The following ZMYND8 variants were observed in gnomAD, a reference collection of about 807,000 sequenced individuals.
ZMYND8 encodes MYND-type zinc finger-containing chromatin reader ZMYND8.
A neutral mutation model predicts 140.8 loss-of-function variants in ZMYND8; 37 were observed. That is an observed-to-expected ratio of 0.26 (90% CI 0.20 to 0.35). The LOEUF is 0.35. Ranked by LOEUF, ZMYND8 falls within the 10% of genes least tolerant of loss-of-function variation. ZMYND8 has a pLI of 1.00. For missense variants in ZMYND8, 1,068 were observed against 1,570.0 expected (o/e 0.68, Z 5.40); for synonymous variants, 592 against 597.1 (o/e 0.99, Z 0.12).
chr20:47,350,604 A>G (rs768717942), intron 1 of ZMYND8, among the ~76,000 whole-genome samples: 7 of 152,154 alleles, frequency 4.6e-5, no homozygotes, highest in Non-Finnish European at 7.4e-5. Context: ...TAGGTTAAGA[A>G]CTGTTCAGTC....
At chr20:47,320,991 T>A (rs968513620) in intron 2 of ZMYND8, among the ~76,000 whole-genome samples, 1 of 152,062 alleles carries the variant, frequency 6.6e-6, no homozygotes, top group African/African-American at 2.4e-5. Context: ...AGACCAGAAA[T>A]AGAACCAGGG....
At chr20:47,254,248 G>C (rs1282513880) in intron 12 of ZMYND8, among the ~76,000 whole-genome samples, 4 of 152,192 alleles carry the variant, frequency 2.6e-5, no homozygotes, top group Non-Finnish European at 1.5e-5. Flanking sequence ...TAGAGAAAAA[G>C]GCACGATCTT....
intron 19 of ZMYND8, among the ~76,000 whole-genome samples, chr20:47,223,263 T>C (rs1600951926): frequency 6.6e-6 from 1 of 152,196 alleles, no homozygotes; most frequent in East Asian, 1.9e-4. Flanking sequence ...CCCAGTACTT[T>C]GGGAGGCTGA....
intron 7 of ZMYND8, among the ~76,000 whole-genome samples, chr20:47,288,392 C>CTTTTTTT (rs11411701): frequency 4.1e-5 from 5 of 123,280 alleles, no homozygotes; most frequent in Non-Finnish European, 4.9e-5. Flanking sequence ...TACACCAATT[C>CTTTTTTT]TTTTTTTTTT....
chr20:47,285,736 T>C (rs900838222), intron 8 of ZMYND8: 7 of 985,106 alleles, frequency 7.1e-6, no homozygotes, highest in African/African-American at 7.0e-5. Flanking sequence ...TACTATTTAA[T>C]GACAAGAGGA....
chr20:47,230,583 C>G (rs935508976), intron 16 of ZMYND8, among the ~76,000 whole-genome samples: 33 of 152,040 alleles, frequency 2.2e-4, no homozygotes, highest in African/African-American at 8.0e-4. Flanking sequence ...GCCTGACCCC[C>G]AGATGTCTTT....
In ZMYND8 at chr20:47,250,654, A is replaced by C. The variant is rs541815881; in HGVS notation, c.1622-1215T>G. Among the ~76,000 whole-genome samples the C allele has an allele frequency of 1.4e-4, 21 of 152,296 alleles. No homozygotes were observed. In the South Asian group the frequency reaches 3.9e-3, roughly 29 times the overall value. ...TGGGCTGGAAGCACTGTTTAAAGCC[A>C]TCACTCTCTCCTACCTTTTTCCTTT... On this transcript the variant is annotated intron_variant, in intron 12 of 22. Transcript: ENST00000471951.
chr20:47,282,941 C>G (rs2076701629), intron 9 of ZMYND8, among the ~76,000 whole-genome samples: 1 of 152,114 alleles, frequency 6.6e-6, no homozygotes, highest in South Asian at 2.1e-4. Context: ...TTATTGAAGG[C>G]TTAGCTATTC....
rs1188027893 is a variant in ZMYND8, at chr20:47,318,597, A to ATTTAGGAGG, written c.86-8394_86-8393insCCTCCTAAA. 4 of 389,340 alleles carry ATTTAGGAGG rather than the reference A, an allele frequency of 1.0e-5. No homozygotes were observed. In the East Asian group the frequency reaches 2.9e-4, roughly 28 times the overall value. 24.1% of individuals were successfully genotyped at this position (389,340 alleles called of 1,614,324 possible). A position where few individuals can be genotyped will look rare whatever the true frequency, so the allele number is the denominator to read the frequency against. On this transcript the variant is annotated intron_variant, in intron 2 of 22. Coordinates refer to ENST00000471951, the MANE Select transcript of ZMYND8 (RefSeq NM_001281775.3). ...ATGCCTAAGCCAGGAGGAACTTGTA[A>ATTTAGGAGG]ATGAAAACCGCTCGCATTAGCAAAT...
chr20:47,314,881 G>T (rs918318723), intron 2 of ZMYND8, among the ~76,000 whole-genome samples: 14 of 152,214 alleles, frequency 9.2e-5, no homozygotes, highest in Non-Finnish European at 7.3e-5. Flanking sequence ...AAAATGGGAA[G>T]AGCCGGGAGA....
chr20:47,238,803 G>T lies in ZMYND8; in HGVS notation c.2620C>A (p.Gln874Lys), dbSNP rs775122545. 1.2e-6 allele frequency: 2 copies of T among 1,613,110 alleles called. No homozygotes were observed. The highest frequency in any genetic ancestry group is 1.7e-6 in the Non-Finnish European group (2 of 1,180,018). Residue 874 changes from glutamine to lysine, a missense_variant, in exon 15 of 23, where the codon CAG becomes AAG. Physicochemically the swap from Gln to Lys is moderately conservative, Grantham distance 53. This residue lies in a region of ZMYND8 where 383 missense variants were observed against 431.2 expected (regional missense o/e 0.89). Coordinates refer to ENST00000471951, the MANE Select transcript of ZMYND8 (RefSeq NM_001281775.3). The stretch of plus-strand genomic sequence containing the variant: ...TGATATCTCGTCCCCTGGGAAGACT[G>T]AGGCTGCTGCTGCTGGTTTTGCTGC... ...QQQQNQQQQPQSSQGTRYQTR... is the reference protein window; with the variant it reads ...QQQQNQQQQPKSSQGTRYQTR...
intron 12 of ZMYND8, among the ~76,000 whole-genome samples, chr20:47,260,601 C>T (rs1174840624): frequency 6.6e-6 from 1 of 152,180 alleles, no homozygotes; most frequent in Non-Finnish European, 1.5e-5. Context: ...GCTCAAATAT[C>T]GCCTCTCAAA....
rs577887543 is a variant in ZMYND8, at chr20:47,248,973, C to G, written c.1774+314G>C. On this transcript the variant is annotated intron_variant, in intron 13 of 22. Transcript: ENST00000471951. The stretch of plus-strand genomic sequence containing the variant: ...ACTCGTGTGGAGACACTGATGCGTA[C>G]TGAGGAGAGCAGAGGCAAAACTCAG... 9.2e-5 allele frequency among the ~76,000 whole-genome samples: 8 copies of G among 87,020 alleles called. No homozygotes were observed. In the East Asian group the frequency reaches 1.7e-3, roughly 18 times the overall value. The allele number at this position is 87,020 out of a possible 152,430, so 57.1% of individuals were successfully genotyped here.
chr20:47,339,343 T>G (rs1277416838), intron 2 of ZMYND8, among the ~76,000 whole-genome samples: 1 of 152,194 alleles, frequency 6.6e-6, no homozygotes, highest in African/African-American at 2.4e-5. Flanking sequence ...CCTCCAGACC[T>G]TCTTCCTAGA....
intron 9 of ZMYND8, among the ~76,000 whole-genome samples, chr20:47,282,723 CA>C (rs10665029): frequency 4.0e-4 from 47 of 118,778 alleles, no homozygotes; most frequent in Non-Finnish European, 3.4e-4. Context: ...AACTCCATCT[CA>C]AAAAAAAAAA....
chr20:47,223,573 C>T (rs975580721), intron 19 of ZMYND8, among the ~76,000 whole-genome samples: 1 of 151,436 alleles, frequency 6.6e-6, no homozygotes, highest in African/African-American at 2.4e-5. Flanking sequence ...GCCTGTAATC[C>T]CAGCACTTTG....
intron 12 of ZMYND8, among the ~76,000 whole-genome samples, chr20:47,251,064 T>C (rs910991367): frequency 1.2e-4 from 19 of 152,156 alleles, no homozygotes; most frequent in African/African-American, 4.6e-4. Context: ...GATGGGTCTT[T>C]TCCTAAATCA....
intron 10 of ZMYND8, among the ~76,000 whole-genome samples, chr20:47,281,459 T>C (rs1447922012): frequency 6.6e-6 from 1 of 152,182 alleles, no homozygotes; most frequent in East Asian, 1.9e-4. Context: ...AGAACTAAGA[T>C]ATTAACCGCT....
chr20:47,283,472 A>C, intron 9 of ZMYND8, 99 bp downstream of exon 9: 1 of 1,223,216 alleles, frequency 8.2e-7, no homozygotes. Context: ...ACTCCATCCA[A>C]AGTTTCATCT....
Sources: allele counts gnomAD v4.1 joint callset (sites outside exome capture counted in the v4.1 genomes callset), GRCh38; gene constraint gnomAD v4.1.1; regional missense constraint gnomAD v4.1.1; transcripts MANE v1.5; gene names NCBI Gene and HGNC (gene_info 2026-07-23, HGNC 2026-07-21).